RIT2: variants seen among roughly 807,000 people sequenced by gnomAD.
RIT2 encodes the protein Ras like without CAAX 2.
Under a neutral mutation model 23.7 loss-of-function variants are expected in RIT2, and 24 were observed. The ratio of observed to expected loss-of-function variants is 1.01; its 90% CI spans 0.73 to 1.43. The LOEUF is 1.43. Among genes scored for constraint, RIT2 ranks in the 40% most tolerant of loss-of-function variants. The pLI, the probability that RIT2 is intolerant of heterozygous loss-of-function variation, is 0.00. For missense variants in RIT2, 236 were observed against 266.9 expected, an observed-to-expected ratio of 0.88 and a Z score of 0.81; for synonymous variants, 107 against 91.1, an observed-to-expected ratio of 1.17 and a Z score of -0.99.
At chr18:43,004,900 C>A (rs1165688759) in intron 2 of RIT2, among the ~76,000 whole-genome samples, 1 of 151,832 alleles carries the variant, frequency 6.6e-6, no homozygotes, top group East Asian at 1.9e-4. Flanking sequence ...ATCTTCACAG[C>A]ATTGATCACA....
intron 4 of RIT2, among the ~76,000 whole-genome samples, chr18:42,766,834 C>G (rs1178694316): frequency 3.9e-5 from 6 of 152,204 alleles, no homozygotes. Context: ...GCTGCCCCAG[C>G]CGTGGCTGAA....
chr18:42,820,946 G>A (rs1443436468), intron 4 of RIT2, among the ~76,000 whole-genome samples: 1 of 152,116 alleles, frequency 6.6e-6, no homozygotes, highest in African/African-American at 2.4e-5. Context: ...TCTCCCCATG[G>A]TATTGAATTC....
intron 1 of RIT2, among the ~76,000 whole-genome samples, chr18:43,096,070 G>A (rs944302418): frequency 3.9e-5 from 6 of 151,900 alleles, no homozygotes; most frequent in Middle Eastern, 3.4e-3. Flanking sequence ...AGAACAATCC[G>A]GAAAAGTGAG....
In RIT2 at chr18:43,032,490, T is replaced by C. The variant is rs927364911; in HGVS notation, c.160+1321A>G. On this transcript the variant is annotated intron_variant, in intron 2 of 4. Coordinates refer to ENST00000326695, the MANE Select transcript of RIT2 (RefSeq NM_002930.4). ...AAGATTCAGAGATTTTTCCAAAGAT[T>C]GTCCCTTTTGTGTAACTTACAGTGT... Among the ~76,000 whole-genome samples, 9 of 152,236 alleles carry C rather than the reference T, an allele frequency of 5.9e-5. No individual in the cohort carries two copies. The East Asian group carries it at 1.7e-3, about 29-fold the overall frequency.
At chr18:43,046,167 T>C (rs1346111212) in intron 1 of RIT2, among the ~76,000 whole-genome samples, 4 of 152,114 alleles carry the variant, frequency 2.6e-5, no homozygotes, top group Non-Finnish European at 4.4e-5. Flanking sequence ...ATCTTGTATT[T>C]TAGTCAATAA....
At chr18:43,094,046 G>C (rs555719270) in intron 1 of RIT2, among the ~76,000 whole-genome samples, 65 of 149,904 alleles carry the variant, frequency 4.3e-4, no homozygotes, top group African/African-American at 1.5e-3. Context: ...ATTACTTTTA[G>C]TAAATATTTA....
At chr18:42,782,885 A>G (rs1342769171) in intron 4 of RIT2, among the ~76,000 whole-genome samples, 1 of 152,112 alleles carries the variant, frequency 6.6e-6, no homozygotes, top group African/African-American at 2.4e-5. Context: ...AGACAGGCAA[A>G]GAACAAGCAA....
chr18:42,845,295 T>C lies in RIT2; in HGVS notation c.426+78277A>G, dbSNP rs1456910855. Among the ~76,000 whole-genome samples the C allele has an allele frequency of 2.0e-5, 3 of 152,126 alleles. No individual in the cohort carries two copies. In the East Asian group the frequency reaches 5.8e-4, roughly 29 times the overall value. ...GAGATTACAGATACTAGACAGTAGT[T>C]AAACTTTTCAAACAGTGTGAAGAGG... On this transcript the variant is annotated intron_variant, in intron 4 of 4. Transcript: ENST00000326695.
At chr18:42,795,625 C>T (rs746517127) in intron 4 of RIT2, among the ~76,000 whole-genome samples, 5 of 152,224 alleles carry the variant, frequency 3.3e-5, no homozygotes, top group African/African-American at 7.2e-5. Flanking sequence ...GGGCGCGGCA[C>T]GGGACTGGCA....
At chr18:42,886,048 A>G (rs565918586) in intron 4 of RIT2, among the ~76,000 whole-genome samples, 1 of 152,338 alleles carries the variant, frequency 6.6e-6, no homozygotes, top group South Asian at 2.1e-4. Context: ...ATTTTCTTCA[A>G]AAGGAATTCT....
intron 2 of RIT2, among the ~76,000 whole-genome samples, chr18:42,996,842 C>T (rs1910996544): frequency 6.6e-6 from 1 of 152,092 alleles, no homozygotes; most frequent in Non-Finnish European, 1.5e-5. Flanking sequence ...ACTGCCCATA[C>T]CACTTTACAG....
chr18:43,028,284 C>G (rs1339468881), intron 2 of RIT2, among the ~76,000 whole-genome samples: 1 of 151,776 alleles, frequency 6.6e-6, no homozygotes, highest in African/African-American at 2.4e-5. Flanking sequence ...CAAACTGAGA[C>G]CTGAAGAATG....
intron 3 of RIT2, among the ~76,000 whole-genome samples, chr18:42,956,096 G>A (rs1313374711): frequency 6.6e-6 from 1 of 152,132 alleles, no homozygotes; most frequent in African/African-American, 2.4e-5. Context: ...TCTTTTCACA[G>A]AAAATTCAGG....
At chr18:42,933,735 C>G (rs1252020612) in intron 3 of RIT2, among the ~76,000 whole-genome samples, 1 of 152,032 alleles carries the variant, frequency 6.6e-6, no homozygotes, top group Non-Finnish European at 1.5e-5. Context: ...TAACCTCTTT[C>G]CTGGCCGGGT....
chr18:43,076,147 A>G (rs1337067697), intron 1 of RIT2, among the ~76,000 whole-genome samples: 1 of 152,190 alleles, frequency 6.6e-6, no homozygotes, highest in Non-Finnish European at 1.5e-5. Context: ...ACAGCTTCAC[A>G]TTATTCAGAT....
intron 1 of RIT2, among the ~76,000 whole-genome samples, chr18:43,061,177 C>A (rs1001847963): frequency 6.6e-6 from 1 of 152,084 alleles, no homozygotes; most frequent in African/African-American, 2.4e-5. Context: ...TCCTCTCAAC[C>A]ATTTTATGAT....
chr18:42,973,968 T>C, intron 3 of RIT2, 106 bp downstream of exon 3: 1 of 672,420 alleles, frequency 1.5e-6, no homozygotes, highest in South Asian at 2.1e-5. Context: ...ACAAATTTGT[T>C]CTTCTTCTGC....
intron 4 of RIT2, among the ~76,000 whole-genome samples, chr18:42,774,057 C>A (rs1470269396): frequency 6.6e-6 from 1 of 152,160 alleles, no homozygotes; most frequent in African/African-American, 2.4e-5. Context: ...AAAAGCAATT[C>A]ATCAGTGTCA....
intron 4 of RIT2, among the ~76,000 whole-genome samples, chr18:42,824,334 T>TA (rs1304626985): frequency 6.6e-6 from 1 of 152,078 alleles, no homozygotes; most frequent in Non-Finnish European, 1.5e-5. Flanking sequence ...ATTAGACTGT[T>TA]ACAAAGATTA....
Sources: gnomAD v4.1 joint callset for allele counts (sites outside exome capture counted in the v4.1 genomes callset) on GRCh38, gnomAD v4.1.1 for gene constraint, MANE v1.5 for transcripts, NCBI Gene and HGNC (gene_info 2026-07-23, HGNC 2026-07-21) for gene names.